SDCCAG8: variants seen among roughly 807,000 people sequenced by gnomAD.
The protein encoded by SDCCAG8 is serologically defined colon cancer antigen 8.
In SDCCAG8, 74 loss-of-function variants were observed where a neutral mutation model predicts 101.8. The ratio of observed to expected loss-of-function variants is 0.73; its 90% CI spans 0.60 to 0.88. The LOEUF is 0.88. Among genes scored for constraint, SDCCAG8 ranks in the 40% least tolerant of loss-of-function variants. The pLI is 0.00. For synonymous variants in SDCCAG8, 281 were observed against 292.9 expected (o/e 0.96, Z 0.41); for missense variants, 787 against 822.6 (o/e 0.96, Z 0.53).
chr1:243,419,437 GA>G (rs1188350598), intron 15 of SDCCAG8, among the ~76,000 whole-genome samples: 1 of 152,152 alleles, frequency 6.6e-6, no homozygotes, highest in Non-Finnish European at 1.5e-5. Flanking sequence ...ATCATTTAGG[GA>G]TAAAATGATA....
At chr1:243,257,160 T>C (rs1405870159) in intron 1 of SDCCAG8, among the ~76,000 whole-genome samples, 1 of 152,366 alleles carries the variant, frequency 6.6e-6, no homozygotes, top group East Asian at 1.9e-4. Context: ...AATGTTTACC[T>C]ATAGTAAGAA....
intron 14 of SDCCAG8, 21 bp downstream of exon 14, chr1:243,415,850 A>G: frequency 6.2e-7 from 1 of 1,611,692 alleles, no homozygotes; most frequent in Non-Finnish European, 8.5e-7. Flanking sequence ...GGGAAAGATT[A>G]GAGCCTGGGC....
At chr1:243,355,749 G>A (rs1270134166) in intron 12 of SDCCAG8, among the ~76,000 whole-genome samples, 1 of 152,134 alleles carries the variant, frequency 6.6e-6, no homozygotes, top group Non-Finnish European at 1.5e-5. Context: ...GGGACCACAG[G>A]TGCATGCCAC....
At chr1:243,365,237 G>A (rs1444591902) in intron 12 of SDCCAG8, among the ~76,000 whole-genome samples, 1 of 152,040 alleles carries the variant, frequency 6.6e-6, no homozygotes, top group Non-Finnish European at 1.5e-5. Flanking sequence ...GAGGTGTCTT[G>A]TGTCCCTAAC....
intron 12 of SDCCAG8, among the ~76,000 whole-genome samples, chr1:243,362,451 T>C (rs2076773727): frequency 6.6e-6 from 1 of 152,246 alleles, no homozygotes; most frequent in South Asian, 2.1e-4. Flanking sequence ...TACTACCCAC[T>C]ACCCAATGAA....
intron 12 of SDCCAG8, among the ~76,000 whole-genome samples, chr1:243,359,613 A>C (rs1352643198): frequency 6.6e-6 from 1 of 152,202 alleles, no homozygotes. Context: ...AAGGAAAGAC[A>C]GAGCCCCACA....
chr1:243,403,431 G>A (rs763002157), intron 13 of SDCCAG8, among the ~76,000 whole-genome samples: 7 of 152,076 alleles, frequency 4.6e-5, no homozygotes, highest in African/African-American at 1.4e-4. Flanking sequence ...GTAATAATAC[G>A]TACTAATTAA....
At chr1:243,291,402 T>C (rs2070250124) in intron 5 of SDCCAG8, among the ~76,000 whole-genome samples, 2 of 152,190 alleles carry the variant, frequency 1.3e-5, no homozygotes, top group South Asian at 4.1e-4. Context: ...GGACCAGATA[T>C]CTGGTAATAT....
rs187871861 is a variant in SDCCAG8, at chr1:243,308,241, A to G, written c.929+64A>G. On this transcript the variant is annotated intron_variant, in intron 8 of 17. Coordinates refer to ENST00000366541, the MANE Select transcript of SDCCAG8 (RefSeq NM_006642.5). The stretch of plus-strand genomic sequence containing the variant: ...TGGAAAATTCTGCCTTTAAAGGGGC[A>G]TTGTGTTCTTCTAGCCCTATGCTAA... 292 of 1,490,010 alleles carry G rather than the reference A, an allele frequency of 2.0e-4. 1 individual carries two copies. The East Asian group carries it at 6.0e-3, about 31-fold the overall frequency. The allele number at this position is 1,490,010 out of a possible 1,614,324, so 92.3% of individuals were successfully genotyped here.
chr1:243,292,463 A>G (rs1259422498), intron 5 of SDCCAG8, among the ~76,000 whole-genome samples: 2 of 152,208 alleles, frequency 1.3e-5, no homozygotes, highest in Non-Finnish European at 1.5e-5. Context: ...ACAGGGTTTT[A>G]GGAATTCTGT....
chr1:243,433,473 C>T (rs1278294629), intron 16 of SDCCAG8, among the ~76,000 whole-genome samples: 1 of 152,186 alleles, frequency 6.6e-6, no homozygotes. Flanking sequence ...CATGGCAGCA[C>T]CTGCCATCTC....
rs1458138870 is a variant in SDCCAG8 at position 243,336,799 on chromosome 1, C to A, written c.1222-4240C>A. 2.6e-5 allele frequency among the ~76,000 whole-genome samples: 4 copies of A among 152,072 alleles called. No individual in the cohort carries two copies. The East Asian group carries it at 7.7e-4, about 29-fold the overall frequency. The stretch of plus-strand genomic sequence containing the variant: ...TGTTTGTTGGCCATTTGTATGTATT[C>A]TTTTGAGAAGTGTCTGTTCATGTCT... On this transcript the variant is annotated intron_variant, in intron 10 of 17. Transcript: ENST00000366541.
intron 13 of SDCCAG8, 131 bp from the exon 14 acceptor site, chr1:243,415,571 A>G (rs2080517296): frequency 1.6e-6 from 2 of 1,276,186 alleles, no homozygotes; most frequent in Non-Finnish European, 2.3e-6. Context: ...GGGGAGGGTC[A>G]TTAGAAAGGT....
At chr1:243,479,767 T>C (rs1345535779) in intron 16 of SDCCAG8, among the ~76,000 whole-genome samples, 6 of 152,118 alleles carry the variant, frequency 3.9e-5, no homozygotes, top group Non-Finnish European at 8.8e-5. Context: ...TGTAGACAGT[T>C]GGTTGTTTTG....
chr1:243,402,362 G>A (rs2079458880), intron 13 of SDCCAG8, among the ~76,000 whole-genome samples: 2 of 150,570 alleles, frequency 1.3e-5, no homozygotes, highest in Admixed American at 6.6e-5. Flanking sequence ...CCCGGGAGGC[G>A]GAGGTTGCGG....
intron 16 of SDCCAG8, among the ~76,000 whole-genome samples, chr1:243,466,096 T>C (rs546646055): frequency 1.3e-5 from 2 of 152,362 alleles, no homozygotes; most frequent in Non-Finnish European, 1.5e-5. Context: ...TCTTTGCTCC[T>C]GTATTCAACT....
At chr1:243,325,437 C>A (rs2074081406) in intron 9 of SDCCAG8, among the ~76,000 whole-genome samples, 1 of 151,576 alleles carries the variant, frequency 6.6e-6, no homozygotes, top group Admixed American at 6.6e-5. Context: ...TAATTTAAAA[C>A]CCAACTACTT....
chr1:243,407,040 G>GT (rs369811591), intron 13 of SDCCAG8, among the ~76,000 whole-genome samples: 2 of 151,898 alleles, frequency 1.3e-5, no homozygotes, highest in Non-Finnish European at 2.9e-5. Context: ...ACCATGAGTT[G>GT]TTTTTTTCCC....
At chr1:243,464,735 C>T (rs1347434090) in intron 16 of SDCCAG8, among the ~76,000 whole-genome samples, 3 of 152,124 alleles carry the variant, frequency 2.0e-5, no homozygotes, top group African/African-American at 7.2e-5. Flanking sequence ...AACAAGAAGT[C>T]GATGGAGGGA....
Sources: allele counts gnomAD v4.1 joint callset (sites outside exome capture counted in the v4.1 genomes callset), GRCh38; gene constraint gnomAD v4.1.1; transcripts MANE v1.5; gene names NCBI Gene and HGNC (gene_info 2026-07-23, HGNC 2026-07-21).